COX7B2: variants seen among roughly 807,000 people sequenced by gnomAD.
COX7B2 encodes cytochrome c oxidase subunit 7B2.
For missense variants in COX7B2, 109 were observed against 95.9 expected (o/e 1.14, Z -0.57); for synonymous variants, 37 against 32.1 (o/e 1.15, Z -0.51).
At chr4:46,744,715 T>C (rs1003387381) in intron 2 of COX7B2, among the ~76,000 whole-genome samples, 1 of 151,796 alleles carries the variant, frequency 6.6e-6, no homozygotes, top group African/African-American at 2.4e-5. Context: ...CCTGTTTAAC[T>C]TTTAGATATC....
At chr4:46,897,785 C>T (rs1719848948) in intron 1 of COX7B2, among the ~76,000 whole-genome samples, 1 of 152,100 alleles carries the variant, frequency 6.6e-6, no homozygotes, top group Admixed American at 6.5e-5. Context: ...GAGATCAGGT[C>T]CCCCACTAAA....
intron 1 of COX7B2, chr4:46,876,599 G>A (rs1269704047): frequency 6.6e-6 from 1 of 151,742 alleles, no homozygotes; most frequent in Non-Finnish European, 1.5e-5. Context: ...GTAGAGACAG[G>A]GTTTCACCGT....
intron 1 of COX7B2, among the ~76,000 whole-genome samples, chr4:46,855,094 G>A (rs1362574951): frequency 2.0e-5 from 3 of 152,070 alleles, no homozygotes; most frequent in Non-Finnish European, 4.4e-5. Context: ...TTGGGAGGCT[G>A]AGGCAGGTGG....
intron 2 of COX7B2, among the ~76,000 whole-genome samples, chr4:46,739,328 A>C (rs965963356): frequency 1.3e-5 from 2 of 151,782 alleles, no homozygotes; most frequent in African/African-American, 2.4e-5. Context: ...AAATGATCAA[A>C]CAAACCAAAC....
intron 2 of COX7B2, among the ~76,000 whole-genome samples, chr4:46,809,875 A>G (rs917954154): frequency 1.3e-5 from 2 of 151,966 alleles, no homozygotes; most frequent in Non-Finnish European, 2.9e-5. Context: ...TTGTACTACT[A>G]TCTATTTCTC....
At chr4:46,800,519 G>A (rs1425528583) in intron 2 of COX7B2, among the ~76,000 whole-genome samples, 4 of 152,016 alleles carry the variant, frequency 2.6e-5, no homozygotes, top group East Asian at 1.9e-4. Context: ...CACCCTATTC[G>A]ATACATGGTG....
chr4:46,783,016 A>G lies in COX7B2; in HGVS notation c.-49-47775T>C, dbSNP rs888785545. Among the ~76,000 whole-genome samples, 6 of 152,370 alleles carry G rather than the reference A, an allele frequency of 3.9e-5. No homozygotes were observed. The East Asian group carries it at 1.2e-3, about 29-fold the overall frequency. On this transcript the variant is annotated intron_variant, in intron 2 of 2. Coordinates refer to ENST00000355591, the MANE Select transcript of COX7B2 (RefSeq NM_130902.3). ...ATTTGGCTTAATTCTTTATTCACCA[A>G]TAAAATAATTCTAAGTGATAACCTG...
At chr4:46,763,795 A>T (rs1009137949) in intron 2 of COX7B2, among the ~76,000 whole-genome samples, 1 of 152,230 alleles carries the variant, frequency 6.6e-6, no homozygotes, top group Admixed American at 6.5e-5. Context: ...ACAGATGTAT[A>T]TATAAATATA....
At chr4:46,804,359 C>T (rs1172100118) in intron 2 of COX7B2, among the ~76,000 whole-genome samples, 1 of 152,166 alleles carries the variant, frequency 6.6e-6, no homozygotes, top group African/African-American at 2.4e-5. Context: ...CTTTTATTCT[C>T]TTATCTGGCT....
rs74369398 is a variant in COX7B2, at chr4:46,835,572, A to G, written c.-50+9388T>C. On this transcript the variant is annotated intron_variant, in intron 2 of 2. Transcript: ENST00000355591. ...GAAACAGAAGTGAAAATGGTTTTCA[A>G]TGGAAAAAACTGCGTAAGATATAGC... Among the ~76,000 whole-genome samples the G allele has an allele frequency of 3.4e-4, 52 of 152,270 alleles. No individual in the cohort carries two copies. The East Asian group carries it at 8.5e-3, about 25-fold the overall frequency.
chr4:46,888,876 G>A (rs1016595367), intron 1 of COX7B2, among the ~76,000 whole-genome samples: 18 of 151,966 alleles, frequency 1.2e-4, no homozygotes, highest in African/African-American at 3.6e-4. Flanking sequence ...CACAAAACAC[G>A]CACCAACAGA....
At chr4:46,803,732 CTTTT>C (rs5858039) in intron 2 of COX7B2, among the ~76,000 whole-genome samples, 7 of 123,286 alleles carry the variant, frequency 5.7e-5, no homozygotes, top group African/African-American at 9.3e-5. Flanking sequence ...GGTTTACTTT[CTTTT>C]TTTTTTTTTT....
intron 2 of COX7B2, among the ~76,000 whole-genome samples, chr4:46,831,862 A>C (rs1715136491): frequency 6.6e-6 from 1 of 152,174 alleles, no homozygotes; most frequent in African/African-American, 2.4e-5. Context: ...CTTTATGTCC[A>C]GCTAAGGGAT....
chr4:46,736,533 AGCTTCTT>A (rs1054481124), intron 2 of COX7B2, among the ~76,000 whole-genome samples: 7 of 152,100 alleles, frequency 4.6e-5, no homozygotes, highest in Admixed American at 2.0e-4. Context: ...AAAAGTTTCA[AGCTTCTT>A]AACACTAGAA....
chr4:46,734,881 G>A lies in COX7B2; in HGVS notation c.*66C>T. 4 of 1,541,380 alleles carry A rather than the reference G, an allele frequency of 2.6e-6. No homozygotes were observed. The South Asian group carries it at 4.5e-5, about 17-fold the overall frequency. On this transcript the variant is annotated 3_prime_UTR_variant, in exon 3 of 3. Coordinates refer to ENST00000355591, the MANE Select transcript of COX7B2 (RefSeq NM_130902.3). ...TTTCAATTGTGCTATATTTTAATAAGCAGTAGAGTGCTTACATGACAAGTT... is the reference window on the plus strand; with the variant it reads ...TTTCAATTGTGCTATATTTTAATAAACAGTAGAGTGCTTACATGACAAGTT...
At chr4:46,817,578 C>T (rs1007936489) in intron 2 of COX7B2, among the ~76,000 whole-genome samples, 12 of 152,198 alleles carry the variant, frequency 7.9e-5, no homozygotes, top group African/African-American at 2.7e-4. Context: ...AGGCTCTAAA[C>T]ATTCTGAATA....
chr4:46,858,453 G>A (rs985053366), intron 1 of COX7B2, among the ~76,000 whole-genome samples: 4 of 151,976 alleles, frequency 2.6e-5, no homozygotes, highest in Non-Finnish European at 5.9e-5. Flanking sequence ...GTTGGTTTCA[G>A]GCCGTTTTTC....
chr4:46,821,021 T>C (rs1380153026), intron 2 of COX7B2, among the ~76,000 whole-genome samples: 1 of 152,096 alleles, frequency 6.6e-6, no homozygotes, highest in Non-Finnish European at 1.5e-5. Flanking sequence ...AAATGAGTTG[T>C]ATGCATGCTA....
At chr4:46,800,992 A>C (rs1038144976) in intron 2 of COX7B2, among the ~76,000 whole-genome samples, 1 of 152,096 alleles carries the variant, frequency 6.6e-6, no homozygotes, top group African/African-American at 2.4e-5. Flanking sequence ...GCATATGAAA[A>C]ATTCTCAACT....
Sources: allele counts gnomAD v4.1 joint callset (sites outside exome capture counted in the v4.1 genomes callset), GRCh38; gene constraint gnomAD v4.1.1; transcripts MANE v1.5; gene names NCBI Gene and HGNC (gene_info 2026-07-23, HGNC 2026-07-21).